RIC8B: variants seen among roughly 807,000 people sequenced by gnomAD.
RIC8B encodes the protein chaperone Ric-8B.
RIC8B carries 16 observed loss-of-function variants against 57.5 expected under a neutral mutation model. The observed-to-expected ratio is 0.28, with a 90% CI of 0.19 to 0.42. RIC8B has a LOEUF of 0.42. RIC8B is among the 10% of genes least tolerant of loss of function. RIC8B has a pLI of 1.00. For missense variants in RIC8B, 481 were observed against 677.0 expected (o/e 0.71, Z 3.21); for synonymous variants, 216 against 250.8 (o/e 0.86, Z 1.31).
At chr12:106,794,724 AAAC>A (rs1457765704) in intron 2 of RIC8B, among the ~76,000 whole-genome samples, 1 of 152,214 alleles carries the variant, frequency 6.6e-6, no homozygotes, top group African/African-American at 2.4e-5. Flanking sequence ...GATAAACAAA[AAAC>A]TGAAAGAATT....
intron 4 of RIC8B, among the ~76,000 whole-genome samples, chr12:106,833,470 G>T (rs112716244): frequency 6.6e-6 from 1 of 151,890 alleles, no homozygotes; most frequent in African/African-American, 2.4e-5. Flanking sequence ...GCATGATGAC[G>T]CATGCCTGTA....
chr12:106,777,191 T>C (rs2043535619), intron 1 of RIC8B, among the ~76,000 whole-genome samples: 1 of 152,126 alleles, frequency 6.6e-6, no homozygotes. Flanking sequence ...ATACTGACTG[T>C]AGTAGGGCCA....
At chr12:106,826,832 A>G (rs2046127126) in intron 4 of RIC8B, among the ~76,000 whole-genome samples, 1 of 152,200 alleles carries the variant, frequency 6.6e-6, no homozygotes, top group Non-Finnish European at 1.5e-5. Flanking sequence ...TCATGCCTGT[A>G]ATACTAGCAC....
chr12:106,877,135 T>A (rs1264622456), intron 9 of RIC8B, among the ~76,000 whole-genome samples: 2 of 152,018 alleles, frequency 1.3e-5, no homozygotes, highest in South Asian at 2.1e-4. Flanking sequence ...AACAGTGATT[T>A]AAAAAAAACT....
rs1414338756 is a variant in RIC8B, at chr12:106,870,851, G to T, written c.1480G>T (p.Glu494Ter). The change falls in exon 9 of 10, where the codon GAA (glutamate) becomes TAA (stop). Residue 494 changes from glutamate to a stop codon, truncating the protein, a stop_gained. Coordinates refer to ENST00000392837, the MANE Select transcript of RIC8B (RefSeq NM_001330145.2). LOFTEE classifies it high-confidence loss of function. ...TAATCTTATCACTGGTCATTTAGAG[G>T]AACCAATGCCAAACCCCATAGATGA... ...NINLITGHLEEPMPNPIDEMT... is the reference protein window; with the variant it reads ...NINLITGHLE 6.5e-7 allele frequency: 1 copy of T among 1,529,930 alleles called. No individual in the cohort carries two copies. The highest frequency in any genetic ancestry group is 8.8e-7 in the Non-Finnish European group (1 of 1,134,844). 94.8% of individuals were successfully genotyped at this position (1,529,930 alleles called of 1,614,324 possible). A position where few individuals can be genotyped will look rare whatever the true frequency, so the allele number is the denominator to read the frequency against.
At chr12:106,778,268 A>G (rs1002836706) in intron 1 of RIC8B, among the ~76,000 whole-genome samples, 7 of 152,148 alleles carry the variant, frequency 4.6e-5, no homozygotes, top group African/African-American at 1.2e-4. Context: ...GGAAACATCT[A>G]ATTTCTACTG....
intron 7 of RIC8B, among the ~76,000 whole-genome samples, chr12:106,853,227 A>T (rs1253768075): frequency 6.6e-6 from 1 of 151,898 alleles, no homozygotes; most frequent in Non-Finnish European, 1.5e-5. Context: ...ATAATTACAT[A>T]TCTAAATAAT....
intron 2 of RIC8B, among the ~76,000 whole-genome samples, chr12:106,804,627 A>G (rs1272924689): frequency 6.6e-6 from 1 of 152,242 alleles, no homozygotes; most frequent in Admixed American, 6.5e-5. Context: ...ATAATATTCT[A>G]TAGCACACAG....
rs1461907370 is a variant in RIC8B, at chr12:106,774,848, G to A, written c.84+19G>A. On this transcript the variant is annotated intron_variant, in intron 1 of 9. Transcript: ENST00000392837. Reference sequence around the variant, plus strand: ...CGACAAGGTAAAGAGTCCTGGCCCCGGGCGTGCGGTATCGCACCCCCGGGC... The same window carrying A: ...CGACAAGGTAAAGAGTCCTGGCCCCAGGCGTGCGGTATCGCACCCCCGGGC... 1.9e-6 allele frequency: 3 copies of A among 1,543,570 alleles called. No homozygotes were observed. The highest frequency in any genetic ancestry group is 1.4e-5 in the African/African-American group (1 of 72,718).
At chr12:106,846,749 T>G (rs553586930) in intron 6 of RIC8B, among the ~76,000 whole-genome samples, 4 of 151,826 alleles carry the variant, frequency 2.6e-5, no homozygotes, top group Non-Finnish European at 5.9e-5. Context: ...ACCTATTAGT[T>G]AAATACTTCT....
intron 4 of RIC8B, among the ~76,000 whole-genome samples, chr12:106,835,925 A>G (rs2046579037): frequency 1.3e-5 from 2 of 152,142 alleles, no homozygotes; most frequent in African/African-American, 2.4e-5. Flanking sequence ...TGCTGTAGTC[A>G]TCTCTTGTTC....
chr12:106,844,051 A>T, intron 6 of RIC8B, 104 bp downstream of exon 6: 1 of 826,650 alleles, frequency 1.2e-6, no homozygotes. Context: ...TCAGATAATC[A>T]GAAACTCAGT....
chr12:106,869,136 A>G (rs1169130064), intron 8 of RIC8B, among the ~76,000 whole-genome samples: 2 of 152,038 alleles, frequency 1.3e-5, no homozygotes, highest in African/African-American at 4.8e-5. Flanking sequence ...ATGGGGGAAA[A>G]GTTTTAAACA....
intron 2 of RIC8B, among the ~76,000 whole-genome samples, chr12:106,785,811 C>CTG (rs1321707580): frequency 6.0e-4 from 73 of 122,366 alleles, no homozygotes; most frequent in Admixed American, 6.8e-4. Context: ...CTCTCTCTCT[C>CTG]TCTGTGTGTG....
At chr12:106,778,262 A>T (rs892710411) in intron 1 of RIC8B, among the ~76,000 whole-genome samples, 5 of 152,202 alleles carry the variant, frequency 3.3e-5, no homozygotes, top group African/African-American at 1.2e-4. Flanking sequence ...GCTCCGGGAA[A>T]CATCTAATTT....
intron 8 of RIC8B, 87 bp downstream of exon 8, chr12:106,860,499 TTTCTC>T: frequency 9.3e-7 from 1 of 1,079,716 alleles, no homozygotes; most frequent in Non-Finnish European, 1.2e-6. Context: ...AAGTGTTTCT[TTTCTC>T]TTGTGGATTT....
At chr12:106,839,025 G>T (rs1205629425) in intron 4 of RIC8B, among the ~76,000 whole-genome samples, 1 of 150,068 alleles carries the variant, frequency 6.7e-6, no homozygotes, top group African/African-American at 2.4e-5. Context: ...AAAGATAATC[G>T]ATGGTAAGGA....
chr12:106,860,250 C>A lies in RIC8B; in HGVS notation c.1307-18C>A. ...AGACCCAAGGATTCCTATCTAAAACCCTATTCTGTTTTTGCAGTGGATAGT... is the reference window on the plus strand; with the variant it reads ...AGACCCAAGGATTCCTATCTAAAACACTATTCTGTTTTTGCAGTGGATAGT... On this transcript the variant is annotated intron_variant, in intron 7 of 9. Coordinates refer to ENST00000392837, the MANE Select transcript of RIC8B (RefSeq NM_001330145.2). 1 of 1,552,848 alleles carries A rather than the reference C, an allele frequency of 6.4e-7. No individual in the cohort carries two copies. The highest frequency in any genetic ancestry group is 1.2e-5 in the South Asian group (1 of 80,692).
Position 106,815,074 on chromosome 12 carries a change from C to T in RIC8B, c.511C>T (p.Leu171=). The T allele has an allele frequency of 6.2e-7, 1 of 1,614,258 alleles. No individual in the cohort carries two copies. ...KCFDLRLLFL[L]SLLHTDIRSQ... is the part of the protein sequence containing the mutation. ...CTTTGACTTGCGCTTGCTCTTCCTT[C>T]TGTCACTTTTGCACACCGACATCAG... Residue 171 remains leucine, a synonymous_variant, in exon 3 of 10, where the codon CTG becomes TTG. Coordinates refer to ENST00000392837, the MANE Select transcript of RIC8B (RefSeq NM_001330145.2).
Sources: allele counts gnomAD v4.1 joint callset (sites outside exome capture counted in the v4.1 genomes callset), GRCh38; gene constraint gnomAD v4.1.1; transcripts MANE v1.5; gene names NCBI Gene and HGNC (gene_info 2026-07-23, HGNC 2026-07-21).